The following FAM13A variants were observed in gnomAD, a reference collection of about 807,000 sequenced individuals.
FAM13A encodes protein FAM13A.
Under a neutral mutation model 129.6 loss-of-function variants are expected in FAM13A, and 76 were observed. That is an observed-to-expected ratio of 0.59 (90% CI 0.49 to 0.71). The LOEUF (loss-of-function observed/expected upper bound fraction) is 0.71. FAM13A is among the 30% of genes least tolerant of loss of function. FAM13A has a pLI of 0.00. For missense variants in FAM13A, 1,108 were observed against 1,249.3 expected (o/e 0.89, Z 1.70); for synonymous variants, 443 against 449.9 (o/e 0.98, Z 0.20).
intron 5 of FAM13A, among the ~76,000 whole-genome samples, chr4:88,921,618 C>T (rs1169481716): frequency 1.8e-4 from 27 of 152,090 alleles, no homozygotes; most frequent in Admixed American, 1.6e-3. Context: ...TAAAGACCTT[C>T]GAGACTAGGA....
At chr4:88,897,849 A>C (rs1379126689) in intron 6 of FAM13A, among the ~76,000 whole-genome samples, 2 of 152,170 alleles carry the variant, frequency 1.3e-5, no homozygotes, top group African/African-American at 4.8e-5. Flanking sequence ...TATAGTTCAC[A>C]AGCTCTGCCT....
rs192291197 is a variant in FAM13A at position 88,879,977 on chromosome 4, T to C, written c.843+26402A>G. 1.4e-3 allele frequency among the ~76,000 whole-genome samples: 211 copies of C among 152,356 alleles called. 2 individuals are homozygous for C. The highest frequency in any genetic ancestry group is 4.9e-3 in the African/African-American group (202 of 41,584). On this transcript the variant is annotated intron_variant, in intron 6 of 23. Transcript: ENST00000264344. Reference sequence around the variant, plus strand: ...GCATTTAATGAAGTAATATGAGAAGTATTTTTCAGTGTTTAGCATAGAGTA... The same window carrying C: ...GCATTTAATGAAGTAATATGAGAAGCATTTTTCAGTGTTTAGCATAGAGTA...
chr4:88,747,785 G>A lies in FAM13A; in HGVS notation c.2228C>T (p.Pro743Leu). The A allele has an allele frequency of 6.2e-7, 1 of 1,614,174 alleles. No individual in the cohort carries two copies. The highest frequency in any genetic ancestry group is 8.5e-7 in the Non-Finnish European group (1 of 1,180,014). ...CTCAAGTTGGGAACCAAAACTCTTG[G>A]GGAGTGTGTTGCTTCGCTGCCGCAT... Reference protein sequence around the residue: ...PRMRQRSNTLPKSFGSQLEKE... With the variant: ...PRMRQRSNTLLKSFGSQLEKE... Residue 743 changes from proline to leucine, a missense_variant, in exon 18 of 24, where the codon CCC becomes CTC. By Grantham distance (98) the Pro-to-Leu change is moderately conservative. This residue lies in a region of FAM13A where 529 missense variants were observed against 621.2 expected (regional missense o/e 0.85). Transcript: ENST00000264344.
At chr4:88,870,643 G>T (rs1741216861) in intron 6 of FAM13A, among the ~76,000 whole-genome samples, 1 of 152,202 alleles carries the variant, frequency 6.6e-6, no homozygotes, top group South Asian at 2.1e-4. Flanking sequence ...AGCTCGAACT[G>T]GTTGGAGCCT....
At chr4:88,830,654 C>G (rs1388024548) in intron 7 of FAM13A, among the ~76,000 whole-genome samples, 1 of 152,136 alleles carries the variant, frequency 6.6e-6, no homozygotes, top group Non-Finnish European at 1.5e-5. Flanking sequence ...GTGATACGGG[C>G]TTACTTCATT....
rs1285831909 is a variant in FAM13A, at chr4:88,953,549, G to T, written c.606-15308C>A. Among the ~76,000 whole-genome samples, 3 of 152,092 alleles carry T rather than the reference G, an allele frequency of 2.0e-5. 1 individual carries two copies. The highest frequency in any genetic ancestry group is 2.0e-4 in the Admixed American group (3 of 15,250). On this transcript the variant is annotated intron_variant, in intron 4 of 23. Coordinates refer to ENST00000264344, the MANE Select transcript of FAM13A (RefSeq NM_014883.4). The stretch of plus-strand genomic sequence containing the variant: ...TTTAACTATACAATTAGCAGCATAA[G>T]GTACATTCACATAGTGGTGAAACAG...
chr4:88,787,144 C>A (rs947916662), intron 10 of FAM13A, among the ~76,000 whole-genome samples: 33 of 151,962 alleles, frequency 2.2e-4, no homozygotes, highest in African/African-American at 7.5e-4. Context: ...TTTATTAAAT[C>A]TTTTCATGGA....
chr4:88,885,568 C>T (rs1238405170), intron 6 of FAM13A, among the ~76,000 whole-genome samples: 2 of 152,130 alleles, frequency 1.3e-5, no homozygotes, highest in African/African-American at 2.4e-5. Flanking sequence ...GAAGGTGACA[C>T]TGGAAAACCC....
intron 6 of FAM13A, among the ~76,000 whole-genome samples, chr4:88,866,911 A>C (rs1740561405): frequency 6.6e-6 from 1 of 152,244 alleles, no homozygotes; most frequent in Non-Finnish European, 1.5e-5. Flanking sequence ...TTTTAAATTA[A>C]AAATTGAACA....
intron 1 of FAM13A, among the ~76,000 whole-genome samples, chr4:89,030,113 T>A (rs1768493101): frequency 6.6e-6 from 1 of 152,132 alleles, no homozygotes; most frequent in Non-Finnish European, 1.5e-5. Flanking sequence ...CCATTCTTCA[T>A]CTATAATGAC....
chr4:88,878,300 A>C (rs1238063633), intron 6 of FAM13A, among the ~76,000 whole-genome samples: 12 of 149,436 alleles, frequency 8.0e-5, no homozygotes, highest in Admixed American at 7.9e-4. Flanking sequence ...AAAAAAAAAA[A>C]AAAAAAAAAA....
intron 1 of FAM13A, among the ~76,000 whole-genome samples, chr4:89,049,080 T>C (rs1043261115): frequency 1.3e-5 from 2 of 152,172 alleles, no homozygotes; most frequent in Non-Finnish European, 2.9e-5. Context: ...AAAAACAGAA[T>C]AGTGTTTTGA....
chr4:88,912,868 A>G (rs1223496339), intron 5 of FAM13A, among the ~76,000 whole-genome samples: 1 of 151,994 alleles, frequency 6.6e-6, no homozygotes, highest in Non-Finnish European at 1.5e-5. Context: ...GTGGTCCTAG[A>G]TACTCAGGAG....
chr4:88,767,240 G>A lies in FAM13A; in HGVS notation c.1578+313C>T, dbSNP rs75766662. 6.6e-4 allele frequency among the ~76,000 whole-genome samples: 101 copies of A among 152,238 alleles called. No individual in the cohort carries two copies. In the East Asian group the frequency reaches 0.019, roughly 28 times the overall value. ...TATATATTTCAATCACTTAAAAAATGCATCAAATTGTGGAAAATAAAACCA... is the reference window on the plus strand; with the variant it reads ...TATATATTTCAATCACTTAAAAAATACATCAAATTGTGGAAAATAAAACCA... On this transcript the variant is annotated intron_variant, in intron 13 of 23. Coordinates refer to ENST00000264344, the MANE Select transcript of FAM13A (RefSeq NM_014883.4).
At chr4:88,947,485 C>T (rs980988645) in intron 4 of FAM13A, among the ~76,000 whole-genome samples, 29 of 152,064 alleles carry the variant, frequency 1.9e-4, no homozygotes, top group African/African-American at 7.0e-4. Flanking sequence ...AAGTTGTTAC[C>T]GGACTGCCAG....
intron 23 of FAM13A, chr4:88,729,132 C>T (rs1271827310): frequency 6.9e-6 from 1 of 145,530 alleles, no homozygotes; most frequent in Non-Finnish European, 1.5e-5. Context: ...TGTTAGAATT[C>T]AGCAGCTGGA....
intron 6 of FAM13A, among the ~76,000 whole-genome samples, chr4:88,891,267 A>C (rs2704570): frequency 6.6e-6 from 1 of 151,514 alleles, no homozygotes; most frequent in African/African-American, 2.4e-5. Context: ...CTACAAAAAA[A>C]ACAAAAATTA....
chr4:89,035,105 A>G (rs1769205132), intron 1 of FAM13A, among the ~76,000 whole-genome samples: 1 of 152,162 alleles, frequency 6.6e-6, no homozygotes, highest in Non-Finnish European at 1.5e-5. Context: ...CCAGTATCCT[A>G]AGCAAACTAA....
chr4:89,011,223 A>AAGGG (rs34262577), intron 3 of FAM13A, among the ~76,000 whole-genome samples: 19,427 of 152,110 alleles, frequency 0.13, 1,636 homozygotes, highest in Middle Eastern at 0.25. Flanking sequence ...ACCTTCCTTT[A>AAGGG]AAATCCCATG....
Sources: gnomAD v4.1 joint callset for allele counts (sites outside exome capture counted in the v4.1 genomes callset) on GRCh38, gnomAD v4.1.1 for gene constraint, gnomAD v4.1.1 regional missense constraint, MANE v1.5 for transcripts, NCBI Gene and HGNC (gene_info 2026-07-23, HGNC 2026-07-21) for gene names.